The following ZNF212 variants were observed in gnomAD, a reference collection of about 807,000 sequenced individuals.
ZNF212 encodes the protein Zinc finger protein C2H2-150.
ZNF212 carries 32 observed loss-of-function variants against 47.3 expected under a neutral mutation model. The observed-to-expected ratio is 0.68, with a 90% confidence interval of 0.51 to 0.91. The LOEUF is 0.91. Ranked by LOEUF, ZNF212 falls within the 40% of genes least tolerant of loss-of-function variation. The pLI is 0.00. For missense variants in ZNF212, 555 were observed against 622.8 expected (o/e 0.89, Z 1.16); for synonymous variants, 242 against 253.8 (o/e 0.95, Z 0.44).
At chr7:149,247,024 C>A (rs1433492283) in intron 1 of ZNF212, among the ~76,000 whole-genome samples, 1 of 149,326 alleles carries the variant, frequency 6.7e-6, no homozygotes, top group Non-Finnish European at 1.5e-5. Flanking sequence ...GTTGGTCAGG[C>A]TGGTCTCGAA....
intron 3 of ZNF212, among the ~76,000 whole-genome samples, chr7:149,251,491 CTTTTTTTTT>C (rs71194634): frequency 1.3e-5 from 1 of 77,434 alleles, no homozygotes; most frequent in African/African-American, 5.2e-5. Context: ...CCTGTTTTAT[CTTTTTTTTT>C]TTTTTTTTTT....
chr7:149,249,065 G>T (rs1446727110), intron 1 of ZNF212, among the ~76,000 whole-genome samples: 1 of 152,182 alleles, frequency 6.6e-6, no homozygotes, highest in African/African-American at 2.4e-5. Flanking sequence ...TGCAGAGGGG[G>T]TTAGGACTGA....
At chr7:149,241,901 G>C (rs747440392) in intron 1 of ZNF212, among the ~76,000 whole-genome samples, 1 of 152,154 alleles carries the variant, frequency 6.6e-6, no homozygotes, top group Non-Finnish European at 1.5e-5. Context: ...AGTAAGGTCT[G>C]ACCTTCAGAT....
chr7:149,251,057 T>G (rs907927128), intron 3 of ZNF212, among the ~76,000 whole-genome samples: 6 of 151,954 alleles, frequency 3.9e-5, no homozygotes, highest in African/African-American at 9.7e-5. Context: ...TTTGTGTTTT[T>G]TTTTTTTTTT....
chr7:149,251,033 G>A (rs10280847), intron 3 of ZNF212, among the ~76,000 whole-genome samples: 4,669 of 150,354 alleles, frequency 0.031, 121 homozygotes, highest in African/African-American at 0.066. Flanking sequence ...TGGAAAGCTC[G>A]CAGCATTGTG....
At position 149,252,742 on chromosome 7, in the gene ZNF212, G is replaced by A. The variant is rs1796777098; in HGVS notation, c.578G>A (p.Gly193Asp). Residue 193 changes from glycine to aspartate, a missense_variant, in exon 4 of 5, where the codon GGT becomes GAT. Coordinates refer to ENST00000335870, the MANE Select transcript of ZNF212 (RefSeq NM_012256.4). Reference sequence around the variant, plus strand: ...CAGACAGAGGGAGAAGCGGAGTTGGGTACAGAGATGCTGGGTGACTTGGAA... The same window carrying A: ...CAGACAGAGGGAGAAGCGGAGTTGGATACAGAGATGCTGGGTGACTTGGAA... ...LGQTEGEAEL[G>D]TEMLGDLEEE... 4 of 1,614,042 alleles carry A rather than the reference G, an allele frequency of 2.5e-6. No individual in the cohort carries two copies. In the African/African-American group the frequency reaches 4.0e-5, roughly 16 times the overall value.
chr7:149,241,386 C>T (rs1394695536), intron 1 of ZNF212, among the ~76,000 whole-genome samples: 2 of 138,216 alleles, frequency 1.4e-5, no homozygotes, highest in South Asian at 2.3e-4. Context: ...GAGCTGAGAT[C>T]GTGCTATTGC....
At chr7:149,248,317 T>A (rs1307754486) in intron 1 of ZNF212, among the ~76,000 whole-genome samples, 2 of 152,190 alleles carry the variant, frequency 1.3e-5, no homozygotes, top group Non-Finnish European at 2.9e-5. Context: ...CCCATCCTAA[T>A]GACCTCATTT....
chr7:149,245,776 G>A (rs1796667757), intron 1 of ZNF212, among the ~76,000 whole-genome samples: 2 of 152,186 alleles, frequency 1.3e-5, no homozygotes, highest in Non-Finnish European at 2.9e-5. Context: ...CCGAAGTGCT[G>A]GGATTACAGA....
intron 1 of ZNF212, among the ~76,000 whole-genome samples, chr7:149,247,279 T>C (rs1462561207): frequency 2.6e-5 from 4 of 152,100 alleles, no homozygotes; most frequent in South Asian, 4.2e-4. Flanking sequence ...CTGGCTCATT[T>C]TAAAAAAATT....
chr7:149,252,535 T>C (rs750333973), intron 3 of ZNF212, among the ~76,000 whole-genome samples, 171 bp from the exon 4 acceptor site: 1 of 152,210 alleles, frequency 6.6e-6, no homozygotes, highest in Non-Finnish European at 1.5e-5. Context: ...GTTGTTATGA[T>C]TGGCCAGAAT....
At chr7:149,245,548 G>C (rs1292973209) in intron 1 of ZNF212, among the ~76,000 whole-genome samples, 3 of 152,024 alleles carry the variant, frequency 2.0e-5, no homozygotes. Flanking sequence ...ATCTCTCTCT[G>C]TCACTGGAGG....
intron 4 of ZNF212, 42 bp downstream of exon 4, chr7:149,252,837 C>G: frequency 1.3e-6 from 2 of 1,597,012 alleles, no homozygotes; most frequent in South Asian, 2.2e-5. Context: ...CCATAGCCCT[C>G]TGTAGCCTAG....
chr7:149,253,744 C>T lies in ZNF212; in HGVS notation c.817C>T (p.Pro273Ser), dbSNP rs1208015391. ...TGPGDSTLEEPVGSRVPSSSR... is the reference protein window; with the variant it reads ...TGPGDSTLEESVGSRVPSSSR... ...TCCTGGGGACTCTACTCTAGAGGAG[C>T]CTGTTGGTAGTAGAGTTCCTAGCAG... Residue 273 changes from proline (P) to serine (S), a missense_variant, in exon 5 of 5, where the codon CCT becomes TCT. Coordinates refer to ENST00000335870, the MANE Select transcript of ZNF212 (RefSeq NM_012256.4). The T allele has an allele frequency of 1.2e-6, 2 of 1,613,978 alleles. No homozygotes were observed. Among genetic ancestry groups the T allele is most frequent in the Admixed American group, 1.7e-5 (1 of 60,004 alleles).
rs538020417 is a variant in ZNF212 at position 149,241,288 on chromosome 7, C to G, written c.24+1486C>G. Among the ~76,000 whole-genome samples the G allele has an allele frequency of 5.0e-4, 76 of 152,058 alleles. 1 individual carries two copies. The highest frequency in any genetic ancestry group is 9.8e-4 in the Admixed American group (15 of 15,262). ...CTCTACTAAAAATACAAAAATTAGC[C>G]GGGCGTGGTGGCGGGTGCCTGTAGA... On this transcript the variant is annotated intron_variant, in intron 1 of 4. Transcript: ENST00000335870.
Position 149,253,785 on chromosome 7 carries a change from C to G in ZNF212, c.858C>G (p.Gly286=), listed in dbSNP as rs138404669. 4.5e-5 allele frequency: 73 copies of G among 1,613,976 alleles called. No individual in the cohort carries two copies. Among genetic ancestry groups the G allele is most frequent in the Non-Finnish European group, 5.4e-5 (64 of 1,179,966 alleles). ...SRVPSSSRTV[G]CPKQKSHRQV... is the part of the protein sequence containing the mutation. Reference sequence around the variant, plus strand: ...TTCCTAGCAGCAGCAGAACTGTGGGCTGCCCGAAGCAGAAATCTCATAGGC... The same window carrying G: ...TTCCTAGCAGCAGCAGAACTGTGGGGTGCCCGAAGCAGAAATCTCATAGGC... The change falls in exon 5 of 5, where the codon GGC becomes GGG. Residue 286 remains glycine (G), a synonymous_variant. Transcript: ENST00000335870.
chr7:149,250,720 G>C lies in ZNF212; in HGVS notation c.454G>C (p.Glu152Gln), dbSNP rs145118937. Residue 152 changes from glutamate to glutamine, a missense_variant, in exon 3 of 5, where the codon GAG becomes CAG. Glu to Gln is a conservative substitution (Grantham distance 29). Coordinates refer to ENST00000335870, the MANE Select transcript of ZNF212 (RefSeq NM_012256.4). ...GGAGAATGATGGCGTCTGTTTCACC[G>C]AGCAGGAATGGGAGAATCTGGAGGA... is the stretch of plus-strand genomic sequence containing the variant. ...SLENDGVCFT[E>Q]QEWENLEDWQ... The C allele has an allele frequency of 1.9e-6, 3 of 1,614,076 alleles. No homozygotes were observed. The highest frequency in any genetic ancestry group is 2.5e-6 in the Non-Finnish European group (3 of 1,180,044).
intron 4 of ZNF212, 79 bp downstream of exon 4, chr7:149,252,874 C>T: frequency 7.0e-7 from 1 of 1,431,970 alleles, no homozygotes; most frequent in African/African-American, 1.4e-5. Context: ...GCTGAAGTGC[C>T]AGGTGCTGAC....
At chr7:149,240,126 G>A (rs1428255033) in intron 1 of ZNF212, 1 of 316,228 alleles carries the variant, frequency 3.2e-6, no homozygotes, top group African/African-American at 2.1e-5. Context: ...CCAGGTTGGA[G>A]TGTTTCCAGA....
Sources: allele counts gnomAD v4.1 joint callset (sites outside exome capture counted in the v4.1 genomes callset), GRCh38; gene constraint gnomAD v4.1.1; transcripts MANE v1.5; gene names NCBI Gene and HGNC (gene_info 2026-07-23, HGNC 2026-07-21).